Variants in UBAC2 observed in about 807,000 individuals in gnomAD.
UBAC2 encodes the protein ubiquitin-associated domain-containing protein 2.
A neutral mutation model predicts 44.0 loss-of-function variants in UBAC2; 26 were observed. That is an observed-to-expected ratio of 0.59 (90% confidence interval 0.43 to 0.82). The LOEUF (loss-of-function observed/expected upper bound fraction) is 0.82, where lower values mean the gene tolerates loss of function less well. Ranked by LOEUF, UBAC2 falls within the 40% of genes least tolerant of loss-of-function variation. The pLI is 0.00. For synonymous variants in UBAC2, 155 were observed against 154.3 expected (o/e 1.00, Z -0.04); for missense variants, 329 against 419.4 (o/e 0.78, Z 1.88).
Position 99,238,514 on chromosome 13 carries a change from T to G in UBAC2, c.119T>G (p.Leu40Arg), listed in dbSNP as rs761087609. 2 of 1,613,730 alleles carry G rather than the reference T, an allele frequency of 1.2e-6. No individual in the cohort carries two copies. The highest frequency in any genetic ancestry group is 1.7e-6 in the Non-Finnish European group (2 of 1,179,872). Residue 40 changes from leucine to arginine, a missense_variant, in exon 2 of 9, where the codon CTC becomes CGC. Transcript: ENST00000403766. ...LALLLPHCQK[L>R]FVYDLHAVKN... is the part of the protein sequence containing the mutation. ...CTCCTCCTGCCTCACTGCCAGAAGC[T>G]CTTTGTGTATGACCTTCACGCAGTC...
At chr13:99,370,950 G>T (rs1448804237) in intron 8 of UBAC2, among the ~76,000 whole-genome samples, 1 of 152,196 alleles carries the variant, frequency 6.6e-6, no homozygotes. Context: ...ATAAGATACT[G>T]CTGTCAAGTT....
chr13:99,334,520 A>G (rs1181547990), intron 6 of UBAC2, among the ~76,000 whole-genome samples: 2 of 152,214 alleles, frequency 1.3e-5, no homozygotes, highest in African/African-American at 4.8e-5. Context: ...TTAAGTGAGG[A>G]CTTACTGTAG....
chr13:99,254,976 A>G (rs1282120285), intron 4 of UBAC2: 2 of 1,613,992 alleles, frequency 1.2e-6, no homozygotes, highest in African/African-American at 1.3e-5. Context: ...ATAGCATGAC[A>G]CTAATGACTC....
chr13:99,273,816 A>G, intron 4 of UBAC2, among the ~76,000 whole-genome samples: 1 of 147,968 alleles, frequency 6.8e-6, no homozygotes, highest in East Asian at 2.0e-4. Flanking sequence ...CTTTCTGGAA[A>G]TCCTATTACC....
At chr13:99,235,378 T>A (rs146579185) in intron 1 of UBAC2, among the ~76,000 whole-genome samples, 2 of 152,200 alleles carry the variant, frequency 1.3e-5, no homozygotes, top group African/African-American at 4.8e-5. Flanking sequence ...ACAGATTCAA[T>A]GCAATCCTCT....
chr13:99,214,731 C>G (rs1486865564), intron 1 of UBAC2, among the ~76,000 whole-genome samples: 1 of 151,990 alleles, frequency 6.6e-6, no homozygotes, highest in Non-Finnish European at 1.5e-5. Context: ...AGCAGATTGT[C>G]CCCCACCCCA....
rs1042263 is a variant in UBAC2, at chr13:99,295,900, G to T, written c.390-18197G>T. On this transcript the variant is annotated intron_variant, in intron 4 of 8. Transcript: ENST00000403766. This position sits in a 1 kb window ranked among gnomAD's most constrained non-coding sequence, Gnocchi z 4.1. ...AGTAGGCTATTCGTGTAGGCAAAGC[G>T]GTGGTAAAAAGTATATCAGAAATCA... 1 of 1,613,104 alleles carries T rather than the reference G, an allele frequency of 6.2e-7. No individual in the cohort carries two copies. Among genetic ancestry groups the T allele is most frequent in the African/African-American group, 1.3e-5 (1 of 75,000 alleles).
chr13:99,299,868 G>A (rs1036127322), intron 4 of UBAC2, among the ~76,000 whole-genome samples: 1 of 152,038 alleles, frequency 6.6e-6, no homozygotes, highest in Admixed American at 6.6e-5. Flanking sequence ...TTTTGCACAG[G>A]AAAAAAATTG....
chr13:99,349,964 G>A (rs1301724398), intron 7 of UBAC2, among the ~76,000 whole-genome samples: 4 of 152,160 alleles, frequency 2.6e-5, no homozygotes, highest in Non-Finnish European at 4.4e-5. Flanking sequence ...TGTCTTCGCA[G>A]ACACTGGCAT....
At chr13:99,341,875 G>A (rs561182815) in intron 7 of UBAC2, among the ~76,000 whole-genome samples, 1 of 152,230 alleles carries the variant, frequency 6.6e-6, no homozygotes, top group East Asian at 1.9e-4. Context: ...GTAGGGGATG[G>A]TTCTGATGTT....
At chr13:99,298,937 A>G (rs983563786) in intron 4 of UBAC2, among the ~76,000 whole-genome samples, 2 of 152,192 alleles carry the variant, frequency 1.3e-5, no homozygotes, top group African/African-American at 4.8e-5. Flanking sequence ...TTCTTTGAAA[A>G]TGTATTTTTT....
chr13:99,247,755 A>G (rs1319734357), intron 4 of UBAC2, among the ~76,000 whole-genome samples: 1 of 152,178 alleles, frequency 6.6e-6, no homozygotes, highest in Non-Finnish European at 1.5e-5. Flanking sequence ...AAATAAAAAT[A>G]TGTGCTTTAC....
At chr13:99,369,321 T>C (rs73570152) in intron 8 of UBAC2, among the ~76,000 whole-genome samples, 286 of 152,324 alleles carry the variant, frequency 1.9e-3, no homozygotes, top group African/African-American at 6.6e-3. Flanking sequence ...ACATACTCAG[T>C]AGAAGCCATA....
At chr13:99,291,132 T>G (rs546346333) in intron 4 of UBAC2, among the ~76,000 whole-genome samples, 2 of 152,270 alleles carry the variant, frequency 1.3e-5, no homozygotes, top group East Asian at 3.9e-4. Flanking sequence ...TGCTATAGTT[T>G]CCTCATCAGC....
At chr13:99,331,096 A>T (rs1032395095) in intron 6 of UBAC2, among the ~76,000 whole-genome samples, 2 of 152,202 alleles carry the variant, frequency 1.3e-5, no homozygotes, top group African/African-American at 4.8e-5. Flanking sequence ...CCTCCAGCTG[A>T]GATCACGTAT....
intron 2 of UBAC2, among the ~76,000 whole-genome samples, chr13:99,241,542 A>G (rs889614567): frequency 3.9e-5 from 6 of 152,292 alleles, no homozygotes; most frequent in Non-Finnish European, 2.9e-5. Context: ...AATATAAGCA[A>G]ATTCATAGAG....
chr13:99,307,239 TTAAA>T (rs767765176), intron 4 of UBAC2: 3 of 152,336 alleles, frequency 2.0e-5, no homozygotes, highest in South Asian at 2.1e-4. Context: ...TAGCTTGTTC[TTAAA>T]TAGATTGTTT....
intron 4 of UBAC2, among the ~76,000 whole-genome samples, chr13:99,293,572 G>A (rs1830432127): frequency 6.6e-6 from 1 of 152,218 alleles, no homozygotes; most frequent in Non-Finnish European, 1.5e-5. Context: ...GAGGTGGAGT[G>A]AAGGAAAGGC....
intron 4 of UBAC2, among the ~76,000 whole-genome samples, chr13:99,263,076 T>C (rs1209774515): frequency 6.6e-6 from 1 of 152,232 alleles, no homozygotes; most frequent in Non-Finnish European, 1.5e-5. Flanking sequence ...TACTCATGAC[T>C]CTCAGATTGT....
Sources: gnomAD v4.1 joint callset for allele counts (sites outside exome capture counted in the v4.1 genomes callset) on GRCh38, gnomAD v4.1.1 for gene constraint, Gnocchi (gnomAD v3.1) non-coding constraint, MANE v1.5 for transcripts, NCBI Gene and HGNC (gene_info 2026-07-23, HGNC 2026-07-21) for gene names.